GSN: variants seen among roughly 807,000 people sequenced by gnomAD.
GSN encodes the protein actin-depolymerizing factor.
A neutral mutation model predicts 85.7 loss-of-function variants in GSN; 56 were observed. The observed-to-expected ratio is 0.65, with a 90% confidence interval of 0.53 to 0.82. GSN has a LOEUF of 0.82. Among genes scored for constraint, GSN ranks in the 40% least tolerant of loss-of-function variants. The probability of loss-of-function intolerance (pLI) is 0.00; values close to 1 mark genes in which losing one functional copy is unlikely to be tolerated. For synonymous variants in GSN, 373 were observed against 399.1 expected (o/e 0.93, Z 0.78); for missense variants, 857 against 979.8 (o/e 0.87, Z 1.67).
chr9:121,302,245 A>T (rs2059960953), intron 3 of GSN, 78 bp downstream of exon 3: 2 of 1,486,904 alleles, frequency 1.3e-6, no homozygotes, highest in African/African-American at 2.8e-5. Flanking sequence ...GTCCCCAGGG[A>T]GGGAACTGAT....
chr9:121,248,971 G>A (rs867669812), intron 6 of GSN, among the ~76,000 whole-genome samples: 4 of 152,338 alleles, frequency 2.6e-5, no homozygotes, highest in Middle Eastern at 6.8e-3. Context: ...AGGCCATCGT[G>A]TAGTGGATGA....
In GSN at chr9:121,278,636, G is replaced by A. The variant is rs143406446; in HGVS notation, c.-102-2834G>A. 5.2e-3 allele frequency among the ~76,000 whole-genome samples: 793 copies of A among 152,330 alleles called. 3 individuals are homozygous for A. Among genetic ancestry groups the A allele is most frequent in the Non-Finnish European group, 8.6e-3 (586 of 68,030 alleles). On this transcript the variant is annotated intron_variant, in intron 1 of 17. Transcript: ENST00000432226. ...AGGATGTGATTCAGCAAACAGGCAC[G>A]TAGTGAGAGCCCCAGGCTGGGATTG...
At chr9:121,204,713 G>C (rs1234953899), upstream of GSN, among the ~76,000 whole-genome samples, 2 of 152,108 alleles carry the variant, frequency 1.3e-5, no homozygotes, top group Non-Finnish European at 2.9e-5. Flanking sequence ...AAAAACTAGA[G>C]ACAAACTAAA....
Position 121,327,485 on chromosome 9 carries a change from A to G in GSN, c.1762+3A>G. On this transcript the variant is annotated splice_donor_region_variant and intron_variant, in intron 14 of 17. Coordinates refer to ENST00000432226, the MANE Select transcript of GSN (RefSeq NM_198252.3). ...GGTGGCAGAAGGCAGCGAGCCAGGT[A>G]GGAGCCGGGGTGGGGGGCCTGCTGC... 3 of 1,562,332 alleles carry G rather than the reference A, an allele frequency of 1.9e-6. No homozygotes were observed. Among genetic ancestry groups the G allele is most frequent in the Non-Finnish European group, 2.6e-6 (3 of 1,152,466 alleles).
intron 4 of GSN, among the ~76,000 whole-genome samples, chr9:121,222,582 G>C (rs1389342199): frequency 6.6e-6 from 1 of 152,146 alleles, no homozygotes; most frequent in Non-Finnish European, 1.5e-5. Flanking sequence ...GACAAAATTT[G>C]CATTTCCATG....
At position 121,310,746 on chromosome 9, in the gene GSN, C is replaced by A; in HGVS notation, c.414C>A (p.Leu138=). 1 of 1,614,142 alleles carries A rather than the reference C, an allele frequency of 6.2e-7. No homozygotes were observed. The highest frequency in any genetic ancestry group is 8.5e-7 in the Non-Finnish European group (1 of 1,179,994). ...VVPNEVVVQR[L]FQVKGRRVVR... The stretch of plus-strand genomic sequence containing the variant: ...CCAACGAGGTGGTGGTGCAGAGACT[C>A]TTCCAGGTCAAAGGGCGGCGTGTGG... Residue 138 remains leucine, a synonymous_variant, in exon 5 of 18, where the codon CTC becomes CTA. Transcript: ENST00000432226.
At chr9:121,245,612 C>T (rs559180899) in intron 5 of GSN, among the ~76,000 whole-genome samples, 125 of 152,278 alleles carry the variant, frequency 8.2e-4, no homozygotes, top group African/African-American at 2.8e-3. Context: ...GCTCCTGCCT[C>T]GGCCTCCCAA....
intron 5 of GSN, among the ~76,000 whole-genome samples, chr9:121,233,955 T>C (rs2054442496): frequency 6.6e-6 from 1 of 152,198 alleles, no homozygotes. Context: ...CGAAAGTTTC[T>C]TTCTCTCACA....
At chr9:121,251,899 T>G (rs2054845749) in intron 6 of GSN, among the ~76,000 whole-genome samples, 1 of 152,134 alleles carries the variant, frequency 6.6e-6, no homozygotes, top group Non-Finnish European at 1.5e-5. Context: ...AGGCAGAGGT[T>G]GCAGTGAGCC....
chr9:121,309,228 T>A (rs2060792513), intron 4 of GSN: 1 of 152,280 alleles, frequency 6.6e-6, no homozygotes, highest in Non-Finnish European at 1.5e-5. Flanking sequence ...TTGACAACTC[T>A]GGGGCATGGA....
intron 6 of GSN, among the ~76,000 whole-genome samples, chr9:121,253,444 A>T (rs988895256): frequency 5.9e-5 from 9 of 152,128 alleles, no homozygotes; most frequent in Non-Finnish European, 1.3e-4. Flanking sequence ...AGAGGCCCAG[A>T]GCTTTCTTGT....
chr9:121,274,732 T>C (rs1009962038), intron 1 of GSN, among the ~76,000 whole-genome samples: 3 of 152,156 alleles, frequency 2.0e-5, no homozygotes, highest in Admixed American at 2.0e-4. Flanking sequence ...ATAAGGGATA[T>C]TCTTGCTAAA....
chr9:121,296,300 C>T (rs2059212220), intron 2 of GSN, among the ~76,000 whole-genome samples: 1 of 152,114 alleles, frequency 6.6e-6, no homozygotes, highest in African/African-American at 2.4e-5. Context: ...ACTTGAACCT[C>T]CCTGAGTCTC....
chr9:121,263,111 G>T (rs569176977), upstream of GSN, among the ~76,000 whole-genome samples: 1 of 152,306 alleles, frequency 6.6e-6, no homozygotes, highest in Admixed American at 6.5e-5. Context: ...TTGAGCAGTG[G>T]TGTGCTGGTA....
intron 10 of GSN, 121 bp downstream of exon 10, chr9:121,319,001 C>A: frequency 1.2e-6 from 1 of 818,236 alleles, no homozygotes; most frequent in Non-Finnish European, 2.0e-6. Flanking sequence ...AGCTGAGATT[C>A]TTTGGTGTTA....
At chr9:121,267,867 G>A (rs1338536940), upstream of GSN, among the ~76,000 whole-genome samples, 3 of 152,168 alleles carry the variant, frequency 2.0e-5, no homozygotes, top group Non-Finnish European at 2.9e-5. Flanking sequence ...CCCAGCTCAG[G>A]AGCTGCCCTG....
chr9:121,213,154 C>A (rs976778156), intron 4 of GSN, among the ~76,000 whole-genome samples: 1 of 152,166 alleles, frequency 6.6e-6, no homozygotes, highest in Admixed American at 6.5e-5. Flanking sequence ...GCCTAAGTAT[C>A]TACAAGTTAT....
intron 6 of GSN, among the ~76,000 whole-genome samples, chr9:121,260,380 T>G (rs1008245341): frequency 1.4e-4 from 21 of 152,344 alleles, no homozygotes; most frequent in African/African-American, 4.8e-4. Flanking sequence ...GAGAAAAAAT[T>G]AAGTGAAGTG....
At chr9:121,237,951 T>C (rs1169113937) in intron 5 of GSN, among the ~76,000 whole-genome samples, 1 of 152,246 alleles carries the variant, frequency 6.6e-6, no homozygotes, top group Non-Finnish European at 1.5e-5. Flanking sequence ...TGTTAGCAGT[T>C]TAAAGCATTC....
Sources: gnomAD v4.1 joint callset for allele counts (sites outside exome capture counted in the v4.1 genomes callset) on GRCh38, gnomAD v4.1.1 for gene constraint, MANE v1.5 for transcripts, NCBI Gene and HGNC (gene_info 2026-07-23, HGNC 2026-07-21) for gene names.